The following DLGAP1 variants were observed in gnomAD, a reference collection of about 807,000 sequenced individuals.
DLGAP1 encodes DLG associated protein 1.
Under a neutral mutation model 90.8 loss-of-function variants are expected in DLGAP1, and 11 were observed. The ratio of observed to expected loss-of-function variants is 0.12; its 90% confidence interval spans 0.08 to 0.20. The LOEUF (loss-of-function observed/expected upper bound fraction) is 0.20, where lower values mean the gene tolerates loss of function less well. Among genes scored for constraint, DLGAP1 ranks in the 10% least tolerant of loss-of-function variants. DLGAP1 has a pLI of 1.00. For synonymous variants in DLGAP1, 558 were observed against 540.7 expected (o/e 1.03, Z -0.44); for missense variants, 1,050 against 1,333.8 (o/e 0.79, Z 3.31).
intron 2 of DLGAP1, among the ~76,000 whole-genome samples, chr18:4,010,586 GA>G (rs1465909428): frequency 7.9e-5 from 12 of 152,098 alleles, no homozygotes; most frequent in African/African-American, 2.9e-4. Context: ...AGAATCATGA[GA>G]ATGAAGCATT....
intron 7 of DLGAP1, among the ~76,000 whole-genome samples, chr18:3,723,251 T>G (rs541733715): frequency 6.6e-6 from 1 of 152,220 alleles, no homozygotes; most frequent in Non-Finnish European, 1.5e-5. Context: ...CTGATGACAG[T>G]TAATTTACAA....
At position 4,454,402 on chromosome 18, in the gene DLGAP1, C is replaced by G. The variant is rs1452507197; in HGVS notation, c.-267+604G>C. On this transcript the variant is annotated intron_variant, in intron 1 of 12. Coordinates refer to ENST00000315677, the MANE Select transcript of DLGAP1 (RefSeq NM_004746.4). This position sits in a 1 kb window ranked among gnomAD's most constrained non-coding sequence, Gnocchi z 4.7. ...TCTCCAGTGACCTCCTCCTTGGACC[C>G]CATTTCTCTCTCTCTCTCTCTCTCT... Among the ~76,000 whole-genome samples, 2 of 107,658 alleles carry G rather than the reference C, an allele frequency of 1.9e-5. No individual in the cohort carries two copies. Among genetic ancestry groups the G allele is most frequent in the Non-Finnish European group, 4.3e-5 (2 of 46,590 alleles). 70.6% of individuals were successfully genotyped at this position (107,658 alleles called of 152,430 possible).
chr18:3,866,085 T>C (rs1291567337), intron 4 of DLGAP1, among the ~76,000 whole-genome samples: 1 of 152,186 alleles, frequency 6.6e-6, no homozygotes, highest in African/African-American at 2.4e-5. Flanking sequence ...GAAGGTAACA[T>C]AAGAATTTGT....
intron 1 of DLGAP1, among the ~76,000 whole-genome samples, chr18:4,389,038 C>T (rs1315260202): frequency 6.6e-6 from 1 of 152,106 alleles, no homozygotes; most frequent in Non-Finnish European, 1.5e-5. Flanking sequence ...AAAGCAATGT[C>T]TTGAAGTGAC....
chr18:3,858,477 C>CTT (rs1568247641), intron 4 of DLGAP1, among the ~76,000 whole-genome samples: 1 of 147,264 alleles, frequency 6.8e-6, no homozygotes, highest in East Asian at 2.0e-4. Flanking sequence ...AAAAGGGAAA[C>CTT]ATATATATAT....
chr18:4,048,513 C>A (rs1390511627), intron 2 of DLGAP1, among the ~76,000 whole-genome samples: 3 of 152,204 alleles, frequency 2.0e-5, no homozygotes, highest in Admixed American at 2.0e-4. Flanking sequence ...TCAGTGCCTA[C>A]TCACTCATCC....
At chr18:4,234,011 G>C (rs1268593127) in intron 1 of DLGAP1, among the ~76,000 whole-genome samples, 4 of 151,356 alleles carry the variant, frequency 2.6e-5, no homozygotes, top group Non-Finnish European at 5.9e-5. Context: ...TTTCACTTCT[G>C]ACTCAGTTTG....
At chr18:3,500,063 TAA>T (rs1314901650) in intron 12 of DLGAP1, among the ~76,000 whole-genome samples, 2 of 152,068 alleles carry the variant, frequency 1.3e-5, no homozygotes, top group African/African-American at 4.8e-5. Context: ...GAGAGTTAAT[TAA>T]GTCAGTTCCA....
intron 7 of DLGAP1, among the ~76,000 whole-genome samples, chr18:3,613,923 T>C (rs1274959691): frequency 6.6e-6 from 1 of 151,886 alleles, no homozygotes; most frequent in Non-Finnish European, 1.5e-5. Flanking sequence ...CAGTAACAGT[T>C]GTTACTTTTT....
chr18:4,339,461 A>G (rs2081143273), intron 1 of DLGAP1, among the ~76,000 whole-genome samples: 2 of 152,192 alleles, frequency 1.3e-5, no homozygotes, highest in African/African-American at 2.4e-5. Context: ...CATCCTGCAC[A>G]TGTATCCTGG....
rs533119922 is a variant in DLGAP1 at position 3,897,842 on chromosome 18, C to T, written c.-72-17702G>A. 6.3e-3 allele frequency among the ~76,000 whole-genome samples: 832 copies of T among 132,538 alleles called. 9 individuals carry two copies. The highest frequency in any genetic ancestry group is 0.023 in the African/African-American group (787 of 34,820). The allele number at this position is 132,538 out of a possible 152,430, so 87.0% of individuals were successfully genotyped here. A position where few individuals can be genotyped will look rare whatever the true frequency, so the allele number is the denominator to read the frequency against. On this transcript the variant is annotated intron_variant, in intron 3 of 12. Coordinates refer to ENST00000315677, the MANE Select transcript of DLGAP1 (RefSeq NM_004746.4). ...TCGCTCTGTCGCCCAGGCCGGACTG[C>T]GGACTGCAGTGGCGCAATCTCGGCT...
rs1215419558 is a variant in DLGAP1, at chr18:4,430,857, T to A, written c.-267+24149A>T. 4 of 152,580 alleles carry A rather than the reference T, an allele frequency of 2.6e-5. No homozygotes were observed. The East Asian group carries it at 7.7e-4, about 29-fold the overall frequency. 9.5% of individuals were successfully genotyped at this position (152,580 alleles called of 1,614,324 possible). On this transcript the variant is annotated intron_variant, in intron 1 of 12. Coordinates refer to ENST00000315677, the MANE Select transcript of DLGAP1 (RefSeq NM_004746.4). ...GAAACAACCAAGAGTCATCTGAAAT[T>A]GTGATTGGCTCATTAATAATCCAAG...
intron 1 of DLGAP1, among the ~76,000 whole-genome samples, chr18:4,264,356 C>T (rs1426742752): frequency 6.6e-6 from 1 of 152,232 alleles, no homozygotes; most frequent in Non-Finnish European, 1.5e-5. Flanking sequence ...TTGAGATCCA[C>T]ATCCGGTCAG....
At chr18:3,810,916 C>T (rs759304955) in intron 5 of DLGAP1, among the ~76,000 whole-genome samples, 3 of 152,042 alleles carry the variant, frequency 2.0e-5, no homozygotes, top group Non-Finnish European at 4.4e-5. Context: ...AATGATCCTC[C>T]CACCTCAGCC....
intron 5 of DLGAP1, among the ~76,000 whole-genome samples, chr18:3,749,148 C>CTTTTTTTTT (rs776707431): frequency 1.3e-4 from 16 of 120,658 alleles, no homozygotes; most frequent in East Asian, 2.4e-4. Context: ...TCTTCTTCTT[C>CTTTTTTTTT]TTTTTTTTTT....
At chr18:3,522,550 T>TG (rs1417987783) in intron 10 of DLGAP1, among the ~76,000 whole-genome samples, 1 of 140,990 alleles carries the variant, frequency 7.1e-6, no homozygotes, top group East Asian at 2.0e-4. Flanking sequence ...TCAACTCTTT[T>TG]TTTTTTTTTT....
chr18:4,140,542 A>T (rs2076478688), intron 2 of DLGAP1, among the ~76,000 whole-genome samples: 3 of 151,964 alleles, frequency 2.0e-5, no homozygotes, highest in African/African-American at 7.2e-5. Flanking sequence ...TAGTCTTTCT[A>T]GTCAAGATAC....
At chr18:4,101,378 C>T (rs1348646318) in intron 2 of DLGAP1, among the ~76,000 whole-genome samples, 2 of 152,128 alleles carry the variant, frequency 1.3e-5, no homozygotes. Context: ...TATATGGGTG[C>T]AGTTCATGAC....
At chr18:3,502,005 T>C (rs2049965423) in intron 12 of DLGAP1, 1 of 266,344 alleles carries the variant, frequency 3.8e-6, no homozygotes, top group Non-Finnish European at 5.7e-6. Flanking sequence ...AACTTTATGG[T>C]ATATATTTTT....
Sources: gnomAD v4.1 joint callset for allele counts (sites outside exome capture counted in the v4.1 genomes callset) on GRCh38, gnomAD v4.1.1 for gene constraint, Gnocchi (gnomAD v3.1) non-coding constraint, MANE v1.5 for transcripts, NCBI Gene and HGNC (gene_info 2026-07-23, HGNC 2026-07-21) for gene names.